PCDH7: variants seen among roughly 807,000 people sequenced by gnomAD.
PCDH7 encodes the protein protocadherin 7.
Under a neutral mutation model 58.9 loss-of-function variants are expected in PCDH7, and 17 were observed. That is an observed-to-expected ratio of 0.29 (90% CI 0.20 to 0.43). PCDH7 has a LOEUF of 0.43. Ranked by LOEUF, PCDH7 falls within the 20% of genes least tolerant of loss-of-function variation. The pLI is 1.00. For missense variants in PCDH7, 1,274 were observed against 1,441.0 expected (o/e 0.88, Z 1.88); for synonymous variants, 664 against 616.4 (o/e 1.08, Z -1.14).
chr4:30,947,093 A>G (rs1158285918), intron 2 of PCDH7, among the ~76,000 whole-genome samples: 2 of 152,066 alleles, frequency 1.3e-5, no homozygotes, highest in Non-Finnish European at 2.9e-5. Context: ...ACAGTTGCAC[A>G]TGGTCTCTGG....
intron 3 of PCDH7, among the ~76,000 whole-genome samples, chr4:30,997,821 C>A (rs1752037244): frequency 6.6e-6 from 1 of 152,050 alleles, no homozygotes; most frequent in African/African-American, 2.4e-5. Flanking sequence ...AACAAATTAT[C>A]TTTTTTTCTC....
chr4:30,936,048 CGTGAA>C (rs1446689211), intron 2 of PCDH7, among the ~76,000 whole-genome samples: 1 of 151,884 alleles, frequency 6.6e-6, no homozygotes, highest in Non-Finnish European at 1.5e-5. Context: ...AAAAGAACAA[CGTGAA>C]GTGGATAACC....
At chr4:30,737,792 A>G (rs1244351279), downstream of PCDH7, among the ~76,000 whole-genome samples, 3 of 152,230 alleles carry the variant, frequency 2.0e-5, no homozygotes, top group South Asian at 2.1e-4. Context: ...AAAACTCACA[A>G]TAGTTTGATA....
intron 1 of PCDH7, among the ~76,000 whole-genome samples, chr4:30,854,666 A>G (rs895519608): frequency 6.6e-6 from 1 of 151,946 alleles, no homozygotes; most frequent in Non-Finnish European, 1.5e-5. Flanking sequence ...AAGGGTTTAA[A>G]ATTGTTTGCA....
chr4:30,983,646 T>C (rs2109113477), intron 3 of PCDH7, among the ~76,000 whole-genome samples: 1 of 152,338 alleles, frequency 6.6e-6, no homozygotes, highest in African/African-American at 2.4e-5. Flanking sequence ...ATATTTTTGT[T>C]TCTAAAACTA....
intron 1 of PCDH7, among the ~76,000 whole-genome samples, chr4:30,846,850 G>A (rs999505803): frequency 2.6e-5 from 4 of 152,100 alleles, no homozygotes; most frequent in African/African-American, 9.7e-5. Flanking sequence ...GCAGCCAGGG[G>A]CAGTGGCTCA....
chr4:31,061,765 A>C (rs2109238753), intron 3 of PCDH7, among the ~76,000 whole-genome samples: 1 of 151,830 alleles, frequency 6.6e-6, no homozygotes, highest in African/African-American at 2.4e-5. Flanking sequence ...GGAGATTGAA[A>C]GTGAAATTTT....
In PCDH7 at chr4:30,920,010, A is replaced by G. The variant is rs1206513261; in HGVS notation, c.71-143A>G. ...CATTGCCTTAGATAATACATAGTTA[A>G]CTAATGCAGTTTCAACATATCTATT... On this transcript the variant is annotated intron_variant, in intron 1 of 3. Transcript: ENST00000509759. The G allele has an allele frequency of 6.5e-6, 3 of 462,094 alleles. No individual in the cohort carries two copies. The Admixed American group carries it at 1.1e-4, about 17-fold the overall frequency. 28.6% of individuals were successfully genotyped at this position (462,094 alleles called of 1,614,324 possible). A position where few individuals can be genotyped will look rare whatever the true frequency, so the allele number is the denominator to read the frequency against.
intron 2 of PCDH7, among the ~76,000 whole-genome samples, chr4:30,946,690 T>TGTGTGTGTGTGTG (rs1746724379): frequency 3.6e-5 from 5 of 137,636 alleles, no homozygotes; most frequent in Non-Finnish European, 4.7e-5. Flanking sequence ...CTTATCTCTT[T>TGTGTGTGTGTGTG]TGTGTGTGTG....
intron 1 of PCDH7, among the ~76,000 whole-genome samples, chr4:30,895,967 C>T (rs1391349217): frequency 1.3e-5 from 2 of 152,172 alleles, no homozygotes; most frequent in East Asian, 1.9e-4. Context: ...ATGCACCATA[C>T]GTGGAACTCT....
intron 3 of PCDH7, among the ~76,000 whole-genome samples, chr4:31,066,610 C>T (rs1560616902): frequency 1.3e-5 from 2 of 151,836 alleles, no homozygotes; most frequent in African/African-American, 4.8e-5. Context: ...TTCTCTTCAC[C>T]TCCCCCTTTG....
At chr4:31,073,700 T>A (rs1445292127) in intron 3 of PCDH7, among the ~76,000 whole-genome samples, 2 of 152,204 alleles carry the variant, frequency 1.3e-5, no homozygotes, top group Non-Finnish European at 2.9e-5. Context: ...TGATGTATAA[T>A]CATTACATGG....
intron 3 of PCDH7, among the ~76,000 whole-genome samples, chr4:31,120,255 C>T (rs1348916137): frequency 2.0e-5 from 3 of 151,834 alleles, no homozygotes; most frequent in South Asian, 2.1e-4. Context: ...TTCCCTTATA[C>T]ATCTTTCCAT....
At chr4:30,784,080 G>C (rs1465805352) in intron 1 of PCDH7, among the ~76,000 whole-genome samples, 1 of 152,080 alleles carries the variant, frequency 6.6e-6, no homozygotes, top group Non-Finnish European at 1.5e-5. Context: ...AGATTGGTTT[G>C]GTCTGATTTA....
intron 3 of PCDH7, among the ~76,000 whole-genome samples, chr4:31,103,968 A>G (rs538936461): frequency 6.6e-6 from 1 of 152,264 alleles, no homozygotes; most frequent in Admixed American, 6.5e-5. Context: ...TCATGCCTCC[A>G]TGCAATTACT....
At chr4:30,931,664 A>G (rs141639842) in intron 2 of PCDH7, among the ~76,000 whole-genome samples, 10 of 151,958 alleles carry the variant, frequency 6.6e-5, no homozygotes, top group African/African-American at 2.4e-4. Context: ...AACTCAGAAA[A>G]CTGGAGACCA....
chr4:30,858,884 C>T (rs1733824023), intron 1 of PCDH7, among the ~76,000 whole-genome samples: 1 of 151,950 alleles, frequency 6.6e-6, no homozygotes. Context: ...TTGAATTATT[C>T]TAACATGCCA....
intron 1 of PCDH7, among the ~76,000 whole-genome samples, chr4:30,835,285 G>C (rs1730343351): frequency 6.6e-6 from 1 of 152,086 alleles, no homozygotes; most frequent in Non-Finnish European, 1.5e-5. Context: ...AGCAGGAGGT[G>C]AGCACAGGCA....
chr4:30,846,960 C>T (rs1466386566), intron 1 of PCDH7, among the ~76,000 whole-genome samples: 8 of 151,676 alleles, frequency 5.3e-5, no homozygotes, highest in Non-Finnish European at 1.0e-4. Flanking sequence ...CTCATTTCTA[C>T]AAGAAATTAA....
Sources: allele counts gnomAD v4.1 joint callset (sites outside exome capture counted in the v4.1 genomes callset), GRCh38; gene constraint gnomAD v4.1.1; transcripts MANE v1.5; gene names NCBI Gene and HGNC (gene_info 2026-07-23, HGNC 2026-07-21).